NUF2: variants seen among roughly 807,000 people sequenced by gnomAD.
NUF2 encodes the protein NUF2 component of NDC80 kinetochore complex, also known as kinetochore protein Nuf2.
In NUF2, 34 loss-of-function variants were observed where a neutral mutation model predicts 61.8. That is an observed-to-expected ratio of 0.55 (90% CI 0.42 to 0.73). NUF2 has a LOEUF of 0.73. NUF2 is among the 30% of genes least tolerant of loss of function. NUF2 has a pLI of 0.00. For synonymous variants in NUF2, 172 were observed against 181.6 expected (o/e 0.95, Z 0.42); for missense variants, 445 against 539.1 (o/e 0.83, Z 1.73).
chr1:163,326,107 G>A lies in NUF2; in HGVS notation c.56G>A (p.Arg19His), dbSNP rs770685564. The A allele has an allele frequency of 5.0e-6, 8 of 1,610,938 alleles. No homozygotes were observed. The highest frequency in any genetic ancestry group is 3.3e-5 in the Admixed American group (2 of 59,984). The change falls in exon 2 of 14, where the codon CGC becomes CAC. Residue 19 changes from arginine to histidine, a missense_variant. Physicochemically the swap from Arg to His is conservative, Grantham distance 29. Transcript: ENST00000271452. ...YNVAEIVIHI[R>H]NKILTGADGK... ...GTAGCTGAGATTGTGATTCATATTC[G>A]CAATAAGATCTTAACAGGAGCTGAT...
In NUF2 at chr1:163,341,882, G is replaced by A. The variant is rs896406587; in HGVS notation, c.669+1456G>A. ...TGACCTCAGGGGACCTGCCCACCTC[G>A]GCCTCTGAAAGTGCCAGGATTACAG... On this transcript the variant is annotated intron_variant, in intron 9 of 13. Coordinates refer to ENST00000271452, the MANE Select transcript of NUF2 (RefSeq NM_145697.3). Among the ~76,000 whole-genome samples, 8 of 152,148 alleles carry A rather than the reference G, an allele frequency of 5.3e-5. No individual in the cohort carries two copies. In the East Asian group the frequency reaches 5.8e-4, roughly 11 times the overall value.
At chr1:163,346,092 A>C in intron 11 of NUF2, 4 of 202,484 alleles carry the variant, frequency 2.0e-5, no homozygotes, top group Non-Finnish European at 2.0e-5. Context: ...GCTCCCCCTT[A>C]TCCTTAGGAG....
At chr1:163,352,127 G>A (rs1479836275) in intron 13 of NUF2, among the ~76,000 whole-genome samples, 1 of 151,928 alleles carries the variant, frequency 6.6e-6, no homozygotes, top group African/African-American at 2.4e-5. Context: ...CTATCACAAA[G>A]CATTGAAATT....
intron 13 of NUF2, among the ~76,000 whole-genome samples, chr1:163,350,568 A>G (rs1324504506): frequency 6.6e-6 from 1 of 152,158 alleles, no homozygotes; most frequent in African/African-American, 2.4e-5. Context: ...GCAATTGTCT[A>G]TTGTTAACCT....
chr1:163,336,754 C>T lies in NUF2; in HGVS notation c.341C>T (p.Ala114Val). The T allele has an allele frequency of 6.2e-7, 1 of 1,605,984 alleles. No homozygotes were observed. Among genetic ancestry groups the T allele is most frequent in the Non-Finnish European group, 8.5e-7 (1 of 1,173,082 alleles). ...FETADILCPKAKRTSRFLSGI... is the reference protein window; with the variant it reads ...FETADILCPKVKRTSRFLSGI... ...AGAGTCTTGCTTTCTATTTTAGAAG[C>T]AAAACGGACAAGTCGGTTTTTAAGT... Residue 114 changes from alanine (A) to valine (V), a missense_variant, in exon 6 of 14, where the codon GCA becomes GTA. Coordinates refer to ENST00000271452, the MANE Select transcript of NUF2 (RefSeq NM_145697.3).
intron 5 of NUF2, 63 bp downstream of exon 5, chr1:163,328,970 A>C (rs1650514757): frequency 1.3e-6 from 1 of 761,004 alleles, no homozygotes; most frequent in Non-Finnish European, 2.0e-6. Context: ...CCTTTCCATC[A>C]GTAAATGTAA....
At chr1:163,352,104 G>A (rs531633405) in intron 13 of NUF2, among the ~76,000 whole-genome samples, 1 of 151,306 alleles carries the variant, frequency 6.6e-6, no homozygotes, top group East Asian at 1.9e-4. Flanking sequence ...TTTCTCAATT[G>A]CATCATCATT....
Position 163,336,731 on chromosome 1 carries a change from A to T in NUF2, c.338-20A>T, listed in dbSNP as rs1260079446. On this transcript the variant is annotated intron_variant, in intron 5 of 13. Transcript: ENST00000271452. ...TGTTAGTTCAAAGGTTTATTTAAAGAGTCTTGCTTTCTATTTTAGAAGCAA... is the reference window on the plus strand; with the variant it reads ...TGTTAGTTCAAAGGTTTATTTAAAGTGTCTTGCTTTCTATTTTAGAAGCAA... 1.4e-6 allele frequency: 2 copies of T among 1,462,982 alleles called. No individual in the cohort carries two copies. The highest frequency in any genetic ancestry group is 1.7e-5 in the Admixed American group (1 of 59,572). 90.6% of individuals were successfully genotyped at this position (1,462,982 alleles called of 1,614,324 possible).
intron 10 of NUF2, among the ~76,000 whole-genome samples, chr1:163,344,725 A>G (rs563131737): frequency 3.6e-3 from 539 of 150,436 alleles, no homozygotes; most frequent in Non-Finnish European, 5.7e-3. Context: ...TTTGTGTTTG[A>G]ATTTGTTATT....
chr1:163,347,868 C>T lies in NUF2; in HGVS notation c.1054C>T (p.Leu352Phe). 1 of 1,611,694 alleles carries T rather than the reference C, an allele frequency of 6.2e-7. No homozygotes were observed. Among genetic ancestry groups the T allele is most frequent in the Non-Finnish European group, 8.5e-7 (1 of 1,179,092 alleles). The change falls in exon 12 of 14, where the codon CTT becomes TTT. Residue 352 changes from leucine (L) to phenylalanine (F), a missense_variant. Physicochemically the swap from Leu to Phe is conservative, Grantham distance 22 (BLOSUM62 0). Transcript: ENST00000271452. ...KRLMIVKKEK[L>F]ATAQFKINKK... ...ACTGATGATTGTGAAGAAGGAAAAA[C>T]TTGCCACAGCACAATTCAAAATAAA...
intron 8 of NUF2, 112 bp downstream of exon 8, chr1:163,339,589 A>C: frequency 1.6e-6 from 1 of 639,464 alleles, no homozygotes; most frequent in Non-Finnish European, 2.8e-6. Context: ...AAAGAAACAG[A>C]ATATATTTCT....
At chr1:163,332,825 G>A (rs1650640562) in intron 5 of NUF2, among the ~76,000 whole-genome samples, 1 of 152,012 alleles carries the variant, frequency 6.6e-6, no homozygotes, top group African/African-American at 2.4e-5. Flanking sequence ...TACTTATAAA[G>A]CCACTTTGCA....
intron 5 of NUF2, among the ~76,000 whole-genome samples, chr1:163,334,051 T>A (rs1650679025): frequency 6.6e-6 from 1 of 152,220 alleles, no homozygotes; most frequent in South Asian, 2.1e-4. Flanking sequence ...TTCCCACTTA[T>A]AAGTGACAAT....
chr1:163,344,236 T>C (rs1651044425), intron 10 of NUF2, among the ~76,000 whole-genome samples: 1 of 152,122 alleles, frequency 6.6e-6, no homozygotes, highest in Non-Finnish European at 1.5e-5. Flanking sequence ...AAGGTATGCA[T>C]GTGTGTAGGT....
rs1002572820 is a variant in NUF2, at chr1:163,328,995, GAAA to G, written c.337+93_337+95del. ...AGTAAATGTAAAAAAAAAAAAAAAG[GAAA>G]AAAACAACTTCAAGGAAATTGCCTT... On this transcript the variant is annotated intron_variant, in intron 5 of 13. Transcript: ENST00000271452. 3.4e-5 allele frequency: 21 copies of G among 609,136 alleles called. 1 individual carries two copies. In the African/African-American group the frequency reaches 3.4e-4, roughly 10 times the overall value. The allele number at this position is 609,136 out of a possible 1,614,324, so 37.7% of individuals were successfully genotyped here.
chr1:163,350,497 T>C (rs527714474), intron 13 of NUF2, among the ~76,000 whole-genome samples: 1 of 152,274 alleles, frequency 6.6e-6, no homozygotes, highest in East Asian at 1.9e-4. Context: ...GCCTACCTTA[T>C]ATTACTTTGA....
chr1:163,327,458 C>A, intron 2 of NUF2, 30 bp from the exon 3 acceptor site: 1 of 1,193,740 alleles, frequency 8.4e-7, no homozygotes, highest in Non-Finnish European at 1.3e-6. Flanking sequence ...AGTTATGCAT[C>A]GGAGTATTCA....
intron 9 of NUF2, 65 bp downstream of exon 9, chr1:163,340,491 C>A: frequency 8.4e-7 from 1 of 1,183,822 alleles, no homozygotes; most frequent in Non-Finnish European, 1.2e-6. Flanking sequence ...AGTATTTTAG[C>A]TGTGTGTGTT....
chr1:163,322,139 C>G lies in NUF2; in HGVS notation c.-94C>G, dbSNP rs1056917064. Reference sequence around the variant, plus strand: ...TCCATCCCAAGGCGCGGGCAGGTGCCGGGACGCTGGGCCTGGCGGTGTTTT... The same window carrying G: ...TCCATCCCAAGGCGCGGGCAGGTGCGGGGACGCTGGGCCTGGCGGTGTTTT... On this transcript the variant is annotated 5_prime_UTR_variant, in exon 1 of 14. Transcript: ENST00000271452. The G allele has an allele frequency of 3.3e-5, 5 of 152,262 alleles. No homozygotes were observed. The highest frequency in any genetic ancestry group is 5.9e-5 in the Non-Finnish European group (4 of 68,124). The allele number at this position is 152,262 out of a possible 1,614,324, so 9.4% of individuals were successfully genotyped here. A position where few individuals can be genotyped will look rare whatever the true frequency, so the allele number is the denominator to read the frequency against.
Sources: allele counts gnomAD v4.1 joint callset (sites outside exome capture counted in the v4.1 genomes callset), GRCh38; gene constraint gnomAD v4.1.1; transcripts MANE v1.5; gene names NCBI Gene and HGNC (gene_info 2026-07-23, HGNC 2026-07-21).